ADAMTSL1: variants seen among roughly 807,000 people sequenced by gnomAD.
ADAMTSL1 encodes the protein ADAMTS like 1.
In ADAMTSL1, 126 loss-of-function variants were observed where a neutral mutation model predicts 201.8. The ratio of observed to expected loss-of-function variants is 0.62; its 90% CI spans 0.54 to 0.72. The LOEUF (loss-of-function observed/expected upper bound fraction) is 0.72, where lower values mean the gene tolerates loss of function less well. ADAMTSL1 is among the 30% of genes least tolerant of loss of function. ADAMTSL1 has a pLI of 0.00. For synonymous variants in ADAMTSL1, 1,121 were observed against 903.4 expected, an observed-to-expected ratio of 1.24 and a Z score of -4.32; for missense variants, 2,679 against 2,277.8, an observed-to-expected ratio of 1.18 and a Z score of -3.59.
chr9:18,843,497 C>T (rs944197771), intron 23 of ADAMTSL1, among the ~76,000 whole-genome samples: 6 of 150,710 alleles, frequency 4.0e-5, no homozygotes, highest in African/African-American at 1.5e-4. Flanking sequence ...TTTGGTGAAT[C>T]TGACAATTAT....
intron 13 of ADAMTSL1, among the ~76,000 whole-genome samples, chr9:18,691,230 G>C (rs1831197164): frequency 6.6e-6 from 1 of 152,116 alleles, no homozygotes. Flanking sequence ...CTACCTCTAA[G>C]ATAAAATATC....
intron 5 of ADAMTSL1, among the ~76,000 whole-genome samples, chr9:18,626,347 A>G (rs1826359062): frequency 6.6e-6 from 1 of 152,182 alleles, no homozygotes; most frequent in Admixed American, 6.5e-5. Context: ...TTAATAAAGA[A>G]AGGACTCACT....
chr9:17,920,479 C>T (rs1034400778), intron 1 of ADAMTSL1, among the ~76,000 whole-genome samples: 1 of 152,144 alleles, frequency 6.6e-6, no homozygotes, highest in African/African-American at 2.4e-5. Context: ...TACTCTCACA[C>T]TTGTTGCTTA....
chr9:18,618,370 C>T (rs1467867059), intron 4 of ADAMTSL1, among the ~76,000 whole-genome samples: 4 of 152,094 alleles, frequency 2.6e-5, no homozygotes, highest in Admixed American at 6.6e-5. Context: ...GATTCAGCAG[C>T]GTTTATTGTG....
intron 2 of ADAMTSL1, among the ~76,000 whole-genome samples, chr9:18,167,151 A>G (rs369143766): frequency 6.6e-6 from 1 of 151,966 alleles, no homozygotes; most frequent in East Asian, 1.9e-4. Flanking sequence ...TCGTTATTGA[A>G]ATAGTCAAGA....
intron 2 of ADAMTSL1, among the ~76,000 whole-genome samples, chr9:18,464,195 C>G (rs1820915015): frequency 6.6e-6 from 1 of 152,174 alleles, no homozygotes; most frequent in Non-Finnish European, 1.5e-5. Flanking sequence ...GCTTCATTAA[C>G]TTGAATTTCT....
chr9:18,480,387 C>T (rs1174436095), intron 1 of ADAMTSL1, among the ~76,000 whole-genome samples: 1 of 152,188 alleles, frequency 6.6e-6, no homozygotes, highest in Non-Finnish European at 1.5e-5. Context: ...TCTTTACCCA[C>T]CTGCTGGATG....
At chr9:18,346,042 C>T (rs1175749274) in intron 2 of ADAMTSL1, among the ~76,000 whole-genome samples, 1 of 152,180 alleles carries the variant, frequency 6.6e-6, no homozygotes, top group Non-Finnish European at 1.5e-5. Context: ...CAACCCACTT[C>T]TAATCATCTC....
chr9:18,116,397 A>G (rs183422736), intron 1 of ADAMTSL1, among the ~76,000 whole-genome samples: 1 of 152,242 alleles, frequency 6.6e-6, no homozygotes, highest in East Asian at 1.9e-4. Context: ...AAATTATTAT[A>G]TTTGCAACAA....
At chr9:17,959,325 T>G (rs1469317282) in intron 1 of ADAMTSL1, among the ~76,000 whole-genome samples, 1 of 152,154 alleles carries the variant, frequency 6.6e-6, no homozygotes. Context: ...TATTTTGGCG[T>G]TTTTGTATGA....
chr9:18,405,153 G>A (rs1818136636), intron 2 of ADAMTSL1, among the ~76,000 whole-genome samples: 1 of 152,102 alleles, frequency 6.6e-6, no homozygotes, highest in Non-Finnish European at 1.5e-5. Context: ...ATGGTGCTGT[G>A]CAGTTCCAAC....
At chr9:18,636,447 G>A (rs1414769125) in intron 6 of ADAMTSL1, among the ~76,000 whole-genome samples, 1 of 151,676 alleles carries the variant, frequency 6.6e-6, no homozygotes, top group Non-Finnish European at 1.5e-5. Context: ...TCAATCCAGA[G>A]GAACATAGAA....
At chr9:18,488,348 C>T (rs1205323570) in intron 1 of ADAMTSL1, among the ~76,000 whole-genome samples, 2 of 152,162 alleles carry the variant, frequency 1.3e-5, no homozygotes, top group Non-Finnish European at 2.9e-5. Flanking sequence ...TCAGTAGCTT[C>T]CCACGTTTGG....
intron 1 of ADAMTSL1, among the ~76,000 whole-genome samples, chr9:17,927,686 T>G (rs997216129): frequency 6.6e-6 from 1 of 152,124 alleles, no homozygotes; most frequent in African/African-American, 2.4e-5. Context: ...GCTTTTACAT[T>G]GTATTAGGTA....
chr9:17,936,604 C>T (rs1827019663), intron 1 of ADAMTSL1, among the ~76,000 whole-genome samples: 1 of 152,162 alleles, frequency 6.6e-6, no homozygotes, highest in South Asian at 2.1e-4. Flanking sequence ...TAAATACCTG[C>T]TGGATTATAT....
intron 2 of ADAMTSL1, among the ~76,000 whole-genome samples, chr9:18,532,644 A>T (rs1018484028): frequency 1.3e-5 from 2 of 152,002 alleles, no homozygotes; most frequent in East Asian, 3.8e-4. Flanking sequence ...TTTTATTTAT[A>T]CTGGAAAGGA....
chr9:17,929,743 C>T (rs1826702301), intron 1 of ADAMTSL1, among the ~76,000 whole-genome samples: 1 of 152,196 alleles, frequency 6.6e-6, no homozygotes, highest in African/African-American at 2.4e-5. Context: ...ATCACTTCCC[C>T]AGAAAGTCCT....
chr9:18,106,607 C>G (rs550421459), intron 1 of ADAMTSL1, among the ~76,000 whole-genome samples: 1 of 152,324 alleles, frequency 6.6e-6, no homozygotes, highest in East Asian at 1.9e-4. Context: ...TCACAATTAC[C>G]TATGATCAAA....
At chr9:18,310,226 T>C (rs1416686699) in intron 2 of ADAMTSL1, among the ~76,000 whole-genome samples, 2 of 151,506 alleles carry the variant, frequency 1.3e-5, no homozygotes, top group Non-Finnish European at 2.9e-5. Flanking sequence ...CCTAAAACCA[T>C]AAAAATCCTA....
Sources: gnomAD v4.1 joint callset for allele counts (sites outside exome capture counted in the v4.1 genomes callset) on GRCh38, gnomAD v4.1.1 for gene constraint, MANE v1.5 for transcripts, NCBI Gene and HGNC (gene_info 2026-07-23, HGNC 2026-07-21) for gene names.